The following PCDH17 variants were observed in gnomAD, a reference collection of about 807,000 sequenced individuals.
PCDH17 encodes the protein protocadherin-17.
PCDH17 carries 21 observed loss-of-function variants against 67.7 expected under a neutral mutation model. The ratio of observed to expected loss-of-function variants is 0.31; its 90% CI spans 0.22 to 0.45. The LOEUF (loss-of-function observed/expected upper bound fraction) is 0.45. Ranked by LOEUF, PCDH17 falls within the 20% of genes least tolerant of loss-of-function variation. PCDH17 has a pLI of 1.00. For missense variants in PCDH17, 1,471 were observed against 1,564.8 expected (o/e 0.94, Z 1.01); for synonymous variants, 701 against 656.7 (o/e 1.07, Z -1.03).
At chr13:57,631,581 C>T (rs369906471), upstream of PCDH17, among the ~76,000 whole-genome samples, 1 of 152,110 alleles carries the variant, frequency 6.6e-6, no homozygotes, top group Non-Finnish European at 1.5e-5. Context: ...CGAACAGAGG[C>T]GAAGATTTAT....
chr13:57,728,703 G>A lies in PCDH17; in HGVS notation c.*3409G>A, dbSNP rs565395312. 6 of 152,038 alleles carry A rather than the reference G, an allele frequency of 3.9e-5. No homozygotes were observed. Among genetic ancestry groups the A allele is most frequent in the African/African-American group, 1.4e-4 (6 of 41,506 alleles). The allele number at this position is 152,038 out of a possible 1,614,324, so 9.4% of individuals were successfully genotyped here. On this transcript the variant is annotated 3_prime_UTR_variant, in exon 4 of 4. Coordinates refer to ENST00000377918, the MANE Select transcript of PCDH17 (RefSeq NM_001040429.3). The stretch of plus-strand genomic sequence containing the variant: ...AACTTTATTGCAGGCAATATACAAA[G>A]ATTGGCTCACTACTCCATAGGTTAA...
chr13:57,720,906 A>G (rs1456037020), intron 3 of PCDH17, among the ~76,000 whole-genome samples: 2 of 152,136 alleles, frequency 1.3e-5, no homozygotes, highest in Non-Finnish European at 2.9e-5. Flanking sequence ...TGAGGCTTGC[A>G]TAACAGTCAG....
intron 3 of PCDH17, among the ~76,000 whole-genome samples, chr13:57,670,350 T>C (rs1593915553): frequency 6.6e-6 from 1 of 151,830 alleles, no homozygotes; most frequent in East Asian, 1.9e-4. Flanking sequence ...TTATTTCATG[T>C]AGATTTCAAA....
At chr13:57,652,280 G>C (rs1303841839) in intron 1 of PCDH17, among the ~76,000 whole-genome samples, 2 of 59,690 alleles carry the variant, frequency 3.4e-5, no homozygotes, top group Non-Finnish European at 6.3e-5. Flanking sequence ...GCGAGACTCC[G>C]TCTCAAAAAA....
intron 3 of PCDH17, among the ~76,000 whole-genome samples, chr13:57,714,746 T>C (rs9537782): frequency 0.63 from 96,066 of 151,518 alleles, 31,472 homozygotes; most frequent in East Asian, 0.87. Flanking sequence ...ATTACAAAGT[T>C]TTATTAATTA....
At chr13:57,724,179 A>C (rs1955893664) in intron 3 of PCDH17, among the ~76,000 whole-genome samples, 1 of 152,232 alleles carries the variant, frequency 6.6e-6, no homozygotes, top group African/African-American at 2.4e-5. Flanking sequence ...AGAGCAGCTT[A>C]GAACTTGTTA....
intron 3 of PCDH17, among the ~76,000 whole-genome samples, chr13:57,722,740 C>T (rs914474927): frequency 6.6e-6 from 1 of 152,088 alleles, no homozygotes; most frequent in Non-Finnish European, 1.5e-5. Flanking sequence ...CTCAGCCTGC[C>T]GCGTAGCTGC....
At position 57,727,154 on chromosome 13, in the gene PCDH17, A is replaced by G. The variant is rs923370634; in HGVS notation, c.*1860A>G. 5 of 152,588 alleles carry G rather than the reference A, an allele frequency of 3.3e-5. No individual in the cohort carries two copies. The highest frequency in any genetic ancestry group is 6.6e-5 in the Admixed American group (1 of 15,260). 9.5% of individuals were successfully genotyped at this position (152,588 alleles called of 1,614,324 possible). Reference sequence around the variant, plus strand: ...AGCAGATGGGAAAATGCCTTGATTGACATTTTCTTTCAGCATTTAAAATTT... The same window carrying G: ...AGCAGATGGGAAAATGCCTTGATTGGCATTTTCTTTCAGCATTTAAAATTT... On this transcript the variant is annotated 3_prime_UTR_variant, in exon 4 of 4. Coordinates refer to ENST00000377918, the MANE Select transcript of PCDH17 (RefSeq NM_001040429.3).
chr13:57,690,996 C>A (rs1955553519), intron 3 of PCDH17, among the ~76,000 whole-genome samples: 1 of 151,338 alleles, frequency 6.6e-6, no homozygotes, highest in African/African-American at 2.4e-5. Flanking sequence ...AAATTACATG[C>A]ATTTGAGTTA....
At position 57,680,561 on chromosome 13, in the gene PCDH17, A is replaced by G. The variant is rs116534480; in HGVS notation, c.2797+13728A>G. Reference sequence around the variant, plus strand: ...TTATTTTCAGTGTGGTTACCTAGTCAGGTTATTGCTTTAGAATGATTTTTT... The same window carrying G: ...TTATTTTCAGTGTGGTTACCTAGTCGGGTTATTGCTTTAGAATGATTTTTT... On this transcript the variant is annotated intron_variant, in intron 3 of 3. Transcript: ENST00000377918. Among the ~76,000 whole-genome samples, 1,064 of 151,678 alleles carry G rather than the reference A, an allele frequency of 7.0e-3. 20 individuals are homozygous for G. Among genetic ancestry groups the G allele is most frequent in the African/African-American group, 0.025 (1,031 of 41,450 alleles).
At chr13:57,683,994 G>A (rs1955483051) in intron 3 of PCDH17, among the ~76,000 whole-genome samples, 1 of 151,078 alleles carries the variant, frequency 6.6e-6, no homozygotes, top group Admixed American at 6.6e-5. Context: ...TTTCTAAAGA[G>A]AGGGGTAATG....
intron 1 of PCDH17, among the ~76,000 whole-genome samples, chr13:57,665,915 T>A (rs1955247344): frequency 6.6e-6 from 1 of 152,164 alleles, no homozygotes; most frequent in Non-Finnish European, 1.5e-5. Flanking sequence ...ATAGTTGGGT[T>A]GTAGCTGAGA....
chr13:57,664,212 C>A (rs1424388302), intron 1 of PCDH17, among the ~76,000 whole-genome samples: 1 of 151,992 alleles, frequency 6.6e-6, no homozygotes, highest in Admixed American at 6.6e-5. Flanking sequence ...CTTTCTTTGG[C>A]TTTCCTATTT....
intron 3 of PCDH17, among the ~76,000 whole-genome samples, chr13:57,671,482 A>C (rs1955321940): frequency 6.6e-6 from 1 of 151,988 alleles, no homozygotes; most frequent in African/African-American, 2.4e-5. Flanking sequence ...CTTAAGCCTC[A>C]GAATATTATT....
At chr13:57,652,040 A>G (rs971101872) in intron 1 of PCDH17, among the ~76,000 whole-genome samples, 2 of 152,170 alleles carry the variant, frequency 1.3e-5, no homozygotes, top group East Asian at 3.9e-4. Context: ...GCACTTTGGG[A>G]GGCTGAGGCG....
rs75582783 is a variant in PCDH17 at position 57,702,447 on chromosome 13, G to A, written c.2798-22165G>A. Among the ~76,000 whole-genome samples, 563 of 152,044 alleles carry A rather than the reference G, an allele frequency of 3.7e-3. 7 individuals carry two copies. Among genetic ancestry groups the A allele is most frequent in the African/African-American group, 0.013 (538 of 41,484 alleles). On this transcript the variant is annotated intron_variant, in intron 3 of 3. Transcript: ENST00000377918. ...GTGAGGATATCCCCATTTTACAGAG[G>A]AGGGAGTGAAAGAATATAGAACATA...
intron 3 of PCDH17, among the ~76,000 whole-genome samples, chr13:57,685,430 A>G (rs1955496312): frequency 6.6e-6 from 1 of 152,004 alleles, no homozygotes; most frequent in Admixed American, 6.6e-5. Context: ...TAAGGAACGA[A>G]GGTGTGAAAT....
At chr13:57,688,336 C>T (rs1052487736) in intron 3 of PCDH17, among the ~76,000 whole-genome samples, 2 of 151,760 alleles carry the variant, frequency 1.3e-5, no homozygotes, top group Non-Finnish European at 2.9e-5. Context: ...ATATAAAAAA[C>T]TTTGGGAAAA....
Position 57,632,930 on chromosome 13 carries a change from C to T in PCDH17, c.384C>T (p.Asn128=). Residue 128 remains asparagine, a synonymous_variant, in exon 1 of 4, where the codon AAC becomes AAT. Transcript: ENST00000377918. The part of the protein sequence containing the change: ...IKVEIQDIND[N]APSFSSDQIE... ...TAGAGATCCAGGACATCAACGACAACGCGCCCTCCTTCTCCTCGGACCAGA... is the reference window on the plus strand; with the variant it reads ...TAGAGATCCAGGACATCAACGACAATGCGCCCTCCTTCTCCTCGGACCAGA... 6.2e-7 allele frequency: 1 copy of T among 1,614,066 alleles called. No individual in the cohort carries two copies. The highest frequency in any genetic ancestry group is 8.5e-7 in the Non-Finnish European group (1 of 1,180,032).
Sources: allele counts gnomAD v4.1 joint callset (sites outside exome capture counted in the v4.1 genomes callset), GRCh38; gene constraint gnomAD v4.1.1; transcripts MANE v1.5; gene names NCBI Gene and HGNC (gene_info 2026-07-23, HGNC 2026-07-21).